HAT1: variants seen among roughly 807,000 people sequenced by gnomAD.
The protein encoded by HAT1 is histone acetyltransferase 1.
HAT1 carries 20 observed loss-of-function variants against 56.6 expected under a neutral mutation model. The observed-to-expected ratio is 0.35, with a 90% confidence interval of 0.25 to 0.51. The LOEUF (loss-of-function observed/expected upper bound fraction) is 0.51, where lower values mean the gene tolerates loss of function less well. HAT1 is among the 20% of genes least tolerant of loss of function. The pLI is 0.95. For synonymous variants in HAT1, 146 were observed against 165.5 expected (o/e 0.88, Z 0.91); for missense variants, 408 against 504.3 (o/e 0.81, Z 1.83).
At chr2:171,959,650 T>C (rs1687528697) in intron 4 of HAT1, among the ~76,000 whole-genome samples, 1 of 152,170 alleles carries the variant, frequency 6.6e-6, no homozygotes, top group Non-Finnish European at 1.5e-5. Flanking sequence ...AGGGGATATG[T>C]GGGTCATGGG....
intron 2 of HAT1, among the ~76,000 whole-genome samples, chr2:171,932,819 C>T (rs1315275430): frequency 6.6e-6 from 1 of 152,006 alleles, no homozygotes; most frequent in African/African-American, 2.4e-5. Context: ...CAGTGAGCTG[C>T]GATCATCTCA....
intron 3 of HAT1, among the ~76,000 whole-genome samples, chr2:171,950,400 C>T (rs1229096537): frequency 2.0e-5 from 3 of 151,390 alleles, no homozygotes; most frequent in East Asian, 3.9e-4. Flanking sequence ...AGGCTGGTCC[C>T]GAACTCTGGA....
At chr2:171,929,432 T>G (rs1399429410) in intron 2 of HAT1, among the ~76,000 whole-genome samples, 1 of 152,232 alleles carries the variant, frequency 6.6e-6, no homozygotes, top group African/African-American at 2.4e-5. Flanking sequence ...CTGTTCATAT[T>G]CTCAACTTTT....
intron 10 of HAT1, among the ~76,000 whole-genome samples, chr2:171,981,344 T>C (rs945219720): frequency 3.9e-5 from 6 of 152,326 alleles, no homozygotes; most frequent in African/African-American, 1.4e-4. Flanking sequence ...GGAACATAAG[T>C]GACCAAGTTG....
intron 2 of HAT1, among the ~76,000 whole-genome samples, chr2:171,943,743 A>ATAT (rs1687087629): frequency 6.7e-6 from 1 of 149,424 alleles, no homozygotes; most frequent in African/African-American, 2.4e-5. Flanking sequence ...ATATATATAT[A>ATAT]TATATATGTA....
At chr2:171,971,515 A>G (rs920572901) in intron 8 of HAT1, among the ~76,000 whole-genome samples, 3 of 152,102 alleles carry the variant, frequency 2.0e-5, no homozygotes, top group Non-Finnish European at 4.4e-5. Flanking sequence ...TTAGATGTGG[A>G]TATCCAGCTG....
chr2:171,965,476 A>G lies in HAT1; in HGVS notation c.448A>G (p.Ser150Gly). Residue 150 changes from serine to glycine, a missense_variant, in exon 5 of 11, where the codon AGT (serine) becomes GGT (glycine). Physicochemically the swap from Ser to Gly is moderately conservative, Grantham distance 56. Transcript: ENST00000264108. ...GTLLHTYSVL[S>G]PTGGENFTFQ... ...CTTACTTCATACCTACTCAGTTCTC[A>G]GTCCAACAGGAGGAGAAAACTTTAC... is the stretch of plus-strand genomic sequence containing the variant. 1 of 1,604,574 alleles carries G rather than the reference A, an allele frequency of 6.2e-7. No individual in the cohort carries two copies. Among genetic ancestry groups the G allele is most frequent in the East Asian group, 2.2e-5 (1 of 44,758 alleles).
At chr2:171,953,626 T>TAAAAAAAAAAAAAAAAAAAAAAAA (rs587686867) in intron 4 of HAT1, among the ~76,000 whole-genome samples, 7 of 84,608 alleles carry the variant, frequency 8.3e-5, no homozygotes, top group African/African-American at 3.7e-4. Context: ...CCCTGTCTCT[T>TAAAAAAAAAAAAAAAAAAAAAAAA]AAAAAAAAAA....
At chr2:171,937,963 C>T (rs971494487) in intron 2 of HAT1, among the ~76,000 whole-genome samples, 1 of 151,676 alleles carries the variant, frequency 6.6e-6, no homozygotes, top group African/African-American at 2.4e-5. Context: ...TGGGATTGTA[C>T]ACTGCACTGC....
chr2:171,930,524 T>C (rs994894585), intron 2 of HAT1, among the ~76,000 whole-genome samples: 3 of 152,258 alleles, frequency 2.0e-5, no homozygotes, highest in East Asian at 1.9e-4. Context: ...TGTGTGTGCA[T>C]GTGCATATGC....
Position 171,946,743 on chromosome 2 carries a change from ACTTT to A in HAT1, c.154_157del (p.Phe52LeufsTer20), listed in dbSNP as rs774615278. On this transcript the variant is annotated frameshift_variant, in exon 3 of 11. Coordinates refer to ENST00000264108, the MANE Select transcript of HAT1 (RefSeq NM_003642.4). LOFTEE classifies it high-confidence loss of function. ...TGAAGATCTTGAAAATGACATTAGA[ACTTT>A]CTTTCCTGAGTATACCCATCAACTC... 4 of 1,585,710 alleles carry A rather than the reference ACTTT, an allele frequency of 2.5e-6. No homozygotes were observed. Among genetic ancestry groups the A allele is most frequent in the Non-Finnish European group, 1.7e-6 (2 of 1,159,410 alleles).
At chr2:171,933,539 G>GA (rs887481765) in intron 2 of HAT1, among the ~76,000 whole-genome samples, 5 of 149,474 alleles carry the variant, frequency 3.3e-5, no homozygotes, top group East Asian at 2.0e-4. Context: ...AAAAAAAAAA[G>GA]AAAAAAAAAT....
intron 4 of HAT1, among the ~76,000 whole-genome samples, chr2:171,955,288 GA>G (rs1034749109): frequency 1.2e-4 from 19 of 152,146 alleles, no homozygotes; most frequent in African/African-American, 3.6e-4. Flanking sequence ...AGATTACCTT[GA>G]ATGGACTGTT....
chr2:171,983,650 TTAAA>T lies in HAT1; in HGVS notation c.*301_*304del, dbSNP rs1180556641. ...ATGTTAATGTGTGATGATATGATTC[TTAAA>T]TACTTACAATAAACCTCATTCTTAA... On this transcript the variant is annotated 3_prime_UTR_variant, in exon 11 of 11. Coordinates refer to ENST00000264108, the MANE Select transcript of HAT1 (RefSeq NM_003642.4). 1 of 210,076 alleles carries T rather than the reference TTAAA, an allele frequency of 4.8e-6. No individual in the cohort carries two copies. Among genetic ancestry groups the T allele is most frequent in the Non-Finnish European group, 9.4e-6 (1 of 106,544 alleles). The allele number at this position is 210,076 out of a possible 1,614,324, so 13.0% of individuals were successfully genotyped here.
intron 8 of HAT1, among the ~76,000 whole-genome samples, chr2:171,971,231 GA>G (rs1334487591): frequency 6.6e-6 from 1 of 152,200 alleles, no homozygotes; most frequent in African/African-American, 2.4e-5. Flanking sequence ...TTTTACAAGA[GA>G]TACTTGCTTA....
At chr2:171,964,186 G>A (rs1687635567) in intron 4 of HAT1, among the ~76,000 whole-genome samples, 1 of 152,158 alleles carries the variant, frequency 6.6e-6, no homozygotes, top group Non-Finnish European at 1.5e-5. Flanking sequence ...GCCTTTTGTA[G>A]TGTATTTTGT....
At chr2:171,946,979 C>T (rs1184122769) in intron 3 of HAT1, among the ~76,000 whole-genome samples, 196 bp downstream of exon 3, 1 of 151,964 alleles carries the variant, frequency 6.6e-6, no homozygotes, top group East Asian at 1.9e-4. Flanking sequence ...GCTGTAAATG[C>T]ATTATTTAAT....
chr2:171,981,881 A>G (rs932711223), intron 10 of HAT1, among the ~76,000 whole-genome samples: 2 of 152,206 alleles, frequency 1.3e-5, no homozygotes, highest in Non-Finnish European at 2.9e-5. Context: ...TTTAAGTAAT[A>G]TTTGTTAGCT....
rs1558980419 is a variant in HAT1, at chr2:171,976,189, C to T, written c.856C>T (p.Arg286Ter). 6.3e-7 allele frequency: 1 copy of T among 1,591,174 alleles called. No homozygotes were observed. Among genetic ancestry groups the T allele is most frequent in the East Asian group, 2.3e-5 (1 of 44,002 alleles). ...EDPSKSYVKL[R>*]DFVLVKLCQD... Reference sequence around the variant, plus strand: ...TCCATCCAAAAGCTATGTGAAATTACGAGACTTTGTGCTTGTGAAGCTTTG... The same window carrying T: ...TCCATCCAAAAGCTATGTGAAATTATGAGACTTTGTGCTTGTGAAGCTTTG... The change falls in exon 9 of 11, where the codon CGA (arginine) becomes TGA (stop). Residue 286 changes from arginine to a stop codon, truncating the protein, a stop_gained. Transcript: ENST00000264108. LOFTEE classifies it high-confidence loss of function.
Sources: allele counts gnomAD v4.1 joint callset (sites outside exome capture counted in the v4.1 genomes callset), GRCh38; gene constraint gnomAD v4.1.1; transcripts MANE v1.5; gene names NCBI Gene and HGNC (gene_info 2026-07-23, HGNC 2026-07-21).